The following GMDS variants were observed in gnomAD, a reference collection of about 807,000 sequenced individuals.
The protein encoded by GMDS is GDP-mannose 4,6 dehydratase.
A neutral mutation model predicts 49.9 loss-of-function variants in GMDS; 20 were observed. The ratio of observed to expected loss-of-function variants is 0.40; its 90% CI spans 0.28 to 0.58. The LOEUF (loss-of-function observed/expected upper bound fraction) is 0.58. Ranked by LOEUF, GMDS falls within the 20% of genes least tolerant of loss-of-function variation. The pLI, the probability that GMDS is intolerant of heterozygous loss-of-function variation, is 0.42. For missense variants in GMDS, 362 were observed against 481.4 expected (o/e 0.75, Z 2.32); for synonymous variants, 177 against 178.6 (o/e 0.99, Z 0.07).
chr6:2,003,305 T>C (rs1487150523), intron 4 of GMDS, among the ~76,000 whole-genome samples: 3 of 152,192 alleles, frequency 2.0e-5, no homozygotes, highest in African/African-American at 4.8e-5. Flanking sequence ...TTATTAATAT[T>C]CTTTGTATCT....
At chr6:2,135,648 C>A (rs1775958476) in intron 1 of GMDS, among the ~76,000 whole-genome samples, 1 of 152,006 alleles carries the variant, frequency 6.6e-6, no homozygotes, top group African/African-American at 2.4e-5. Flanking sequence ...GACATTAATG[C>A]CGACATTCAT....
intron 1 of GMDS, among the ~76,000 whole-genome samples, chr6:2,186,125 C>A (rs1163319243): frequency 1.3e-5 from 2 of 152,050 alleles, no homozygotes; most frequent in Non-Finnish European, 2.9e-5. Flanking sequence ...CAAACTGGCA[C>A]TAGGAACCAA....
At chr6:2,202,323 C>G (rs1406024649) in intron 1 of GMDS, among the ~76,000 whole-genome samples, 4 of 131,808 alleles carry the variant, frequency 3.0e-5, no homozygotes, top group Admixed American at 1.5e-4. Flanking sequence ...AGGATGAAGA[C>G]AGAACACCAC....
chr6:1,877,897 A>C (rs1759157005), intron 7 of GMDS, among the ~76,000 whole-genome samples: 1 of 152,214 alleles, frequency 6.6e-6, no homozygotes, highest in Non-Finnish European at 1.5e-5. Flanking sequence ...TATTTGAAGC[A>C]AACTTTTAAG....
At chr6:1,784,610 T>G (rs1395747119) in intron 7 of GMDS, among the ~76,000 whole-genome samples, 1 of 151,938 alleles carries the variant, frequency 6.6e-6, no homozygotes, top group African/African-American at 2.4e-5. Context: ...TCTGGGGAGA[T>G]GGATGGTAGA....
At chr6:2,061,844 G>A (rs191599387) in intron 4 of GMDS, among the ~76,000 whole-genome samples, 1 of 151,958 alleles carries the variant, frequency 6.6e-6, no homozygotes, top group Admixed American at 6.6e-5. Flanking sequence ...GGAGACTAGA[G>A]GGTAGAGGAA....
chr6:1,783,833 T>C (rs1048265388), intron 7 of GMDS, among the ~76,000 whole-genome samples: 1 of 152,156 alleles, frequency 6.6e-6, no homozygotes, highest in African/African-American at 2.4e-5. Context: ...TAAAAGGCCA[T>C]GAGGCTCTTT....
At chr6:1,858,535 G>T (rs1395000148) in intron 7 of GMDS, among the ~76,000 whole-genome samples, 2 of 151,872 alleles carry the variant, frequency 1.3e-5, no homozygotes, top group Non-Finnish European at 2.9e-5. Context: ...ATTTGGTTTA[G>T]ATTTTACTTA....
chr6:2,018,363 T>C (rs1309814659), intron 4 of GMDS, among the ~76,000 whole-genome samples: 3 of 152,186 alleles, frequency 2.0e-5, no homozygotes, highest in African/African-American at 4.8e-5. Flanking sequence ...AATTCACCCA[T>C]ATAAAGTGTA....
chr6:1,745,349 CTGTTGGCT>C (rs1767444909), intron 7 of GMDS, among the ~76,000 whole-genome samples: 1 of 145,590 alleles, frequency 6.9e-6, no homozygotes, highest in African/African-American at 2.5e-5. Flanking sequence ...AGAAACATGA[CTGTTGGCT>C]ACTGGTGGGT....
chr6:1,802,494 T>C (rs1166928081), intron 7 of GMDS, among the ~76,000 whole-genome samples: 1 of 152,254 alleles, frequency 6.6e-6, no homozygotes, highest in Non-Finnish European at 1.5e-5. Flanking sequence ...AAATCATGTA[T>C]CCTCAGCCCA....
At chr6:2,221,415 C>T (rs6942105) in intron 1 of GMDS, among the ~76,000 whole-genome samples, 3,597 of 151,876 alleles carry the variant, frequency 0.024, 140 homozygotes, top group African/African-American at 0.083. Context: ...GAGTCTTGCT[C>T]TGTCACCCAG....
chr6:1,960,696 A>G, intron 5 of GMDS, 78 bp downstream of exon 5: 1 of 922,912 alleles, frequency 1.1e-6, no homozygotes, highest in Non-Finnish European at 1.6e-6. Context: ...ACATGAACAG[A>G]ATGAAAGGAA....
chr6:1,738,168 CACAT>C lies in GMDS; in HGVS notation c.890+4296_890+4299del, dbSNP rs752830123. ...ACAGATACACATACACACACACAGA[CACAT>C]ACACACACACATATACACACATACA... On this transcript the variant is annotated intron_variant, in intron 8 of 10. Coordinates refer to ENST00000380815, the MANE Select transcript of GMDS (RefSeq NM_001500.4). Among the ~76,000 whole-genome samples the C allele has an allele frequency of 8.0e-3, 1,115 of 139,422 alleles. 16 individuals are homozygous for C. Among genetic ancestry groups the C allele is most frequent in the African/African-American group, 0.026 (996 of 37,950 alleles). 91.5% of individuals were successfully genotyped at this position (139,422 alleles called of 152,430 possible).
intron 1 of GMDS, among the ~76,000 whole-genome samples, chr6:2,148,729 T>G (rs921901280): frequency 6.6e-6 from 1 of 152,194 alleles, no homozygotes; most frequent in Non-Finnish European, 1.5e-5. Flanking sequence ...CTGAAGTTAG[T>G]CTTGATGGAA....
intron 7 of GMDS, among the ~76,000 whole-genome samples, chr6:1,811,930 T>C (rs560172797): frequency 6.6e-6 from 1 of 152,386 alleles, no homozygotes; most frequent in African/African-American, 2.4e-5. Flanking sequence ...GCTCTGATAT[T>C]CATTTAACCA....
intron 4 of GMDS, among the ~76,000 whole-genome samples, chr6:1,969,289 A>AT: frequency 1.2e-5 from 1 of 84,358 alleles, no homozygotes; most frequent in African/African-American, 4.3e-5. Flanking sequence ...AAAAAAAAAA[A>AT]AGAGAAAGAA....
In GMDS at chr6:1,913,250, G is replaced by A. The variant is rs1173265630; in HGVS notation, c.771+16853C>T. ...CAAAAAATTAGCCGGGCGTAGTGGC[G>A]GGCGCCTGTAGTCCCAGCTACTCGG... On this transcript the variant is annotated intron_variant, in intron 7 of 10. Coordinates refer to ENST00000380815, the MANE Select transcript of GMDS (RefSeq NM_001500.4). 9.3e-5 allele frequency among the ~76,000 whole-genome samples: 14 copies of A among 150,774 alleles called. No homozygotes were observed. In the East Asian group the frequency reaches 1.6e-3, roughly 17 times the overall value.
intron 9 of GMDS, among the ~76,000 whole-genome samples, chr6:1,668,456 T>A (rs571475891): frequency 6.6e-6 from 1 of 152,218 alleles, no homozygotes; most frequent in Non-Finnish European, 1.5e-5. Flanking sequence ...ATGCCTGTAA[T>A]CCCAGCACTT....
Sources: gnomAD v4.1 joint callset for allele counts (sites outside exome capture counted in the v4.1 genomes callset) on GRCh38, gnomAD v4.1.1 for gene constraint, MANE v1.5 for transcripts, NCBI Gene and HGNC (gene_info 2026-07-23, HGNC 2026-07-21) for gene names.